Variants in RAB11FIP3 observed in about 807,000 individuals in gnomAD.
RAB11FIP3 encodes the protein RAB11 family interacting protein 3.
Under a neutral mutation model 77.8 loss-of-function variants are expected in RAB11FIP3, and 17 were observed. The observed-to-expected ratio is 0.22, with a 90% CI of 0.15 to 0.33. The LOEUF is 0.33. RAB11FIP3 is among the 10% of genes least tolerant of loss of function. The pLI, the probability that RAB11FIP3 is intolerant of heterozygous loss-of-function variation, is 1.00. For missense variants in RAB11FIP3, 1,005 were observed against 1,011.2 expected, an observed-to-expected ratio of 0.99 and a Z score of 0.08; for synonymous variants, 437 against 448.2, an observed-to-expected ratio of 0.98 and a Z score of 0.31.
At chr16:467,322 G>A (rs1399750885) in intron 2 of RAB11FIP3, among the ~76,000 whole-genome samples, 3 of 152,210 alleles carry the variant, frequency 2.0e-5, no homozygotes, top group Non-Finnish European at 4.4e-5. Context: ...GGATGGTGGG[G>A]CATCCCTGAG....
chr16:495,981 C>A (rs767252388), intron 5 of RAB11FIP3, among the ~76,000 whole-genome samples: 1 of 152,158 alleles, frequency 6.6e-6, no homozygotes, highest in Non-Finnish European at 1.5e-5. Context: ...AACTCCCGAC[C>A]TCTGGAGATC....
At chr16:491,244 G>T in intron 5 of RAB11FIP3, 1 of 1,304,816 alleles carries the variant, frequency 7.7e-7, no homozygotes, top group African/African-American at 1.5e-5. Flanking sequence ...CTTTCTGCCC[G>T]CCTGAGTGAT....
intron 9 of RAB11FIP3, among the ~76,000 whole-genome samples, chr16:518,132 G>A (rs149318412): frequency 0.01 from 1,529 of 152,326 alleles, 13 homozygotes; most frequent in African/African-American, 0.021. Flanking sequence ...AGGCTGGAGC[G>A]CAGTGGCGGG....
chr16:510,838 G>A, intron 9 of RAB11FIP3, 38 bp downstream of exon 9: 2 of 1,605,504 alleles, frequency 1.2e-6, no homozygotes, highest in Non-Finnish European at 1.7e-6. Context: ...CCCAGAACCT[G>A]CAGGCCAGGT....
rs1567392396 is a variant in RAB11FIP3, at chr16:492,464, AGACCCGAGGCCGCCCAGG to A, written c.1265+3466_1265+3483del. ...AGGCCGCCCAGGGCCCTTCCCGGGG[AGACCCGAGGCCGCCCAGG>A]GCCCTCCCGGGAGACCCGAGGCCGC... On this transcript the variant is annotated intron_variant, in intron 5 of 13. Coordinates refer to ENST00000262305, the MANE Select transcript of RAB11FIP3 (RefSeq NM_014700.4). Among the ~76,000 whole-genome samples the A allele has an allele frequency of 1.8e-3, 135 of 76,648 alleles. 8 individuals are homozygous for A. The highest frequency in any genetic ancestry group is 3.3e-3 in the South Asian group (10 of 2,986). The allele number at this position is 76,648 out of a possible 152,430, so 50.3% of individuals were successfully genotyped here. A position where few individuals can be genotyped will look rare whatever the true frequency, so the allele number is the denominator to read the frequency against.
At chr16:489,942 C>T (rs1000548907) in intron 5 of RAB11FIP3, among the ~76,000 whole-genome samples, 4 of 152,226 alleles carry the variant, frequency 2.6e-5, no homozygotes, top group African/African-American at 9.6e-5. Flanking sequence ...TGAGGCATCA[C>T]AGACGGTCCT....
intron 1 of RAB11FIP3, among the ~76,000 whole-genome samples, chr16:459,714 G>A (rs376481267): frequency 7.2e-5 from 11 of 152,162 alleles, no homozygotes; most frequent in Non-Finnish European, 1.2e-4. Flanking sequence ...GAATACAGGC[G>A]TGAGCCACAA....
chr16:454,630 CCCCTGTCTCTGGAACT>C (rs1436526851), intron 1 of RAB11FIP3, among the ~76,000 whole-genome samples: 4 of 152,284 alleles, frequency 2.6e-5, no homozygotes, highest in Non-Finnish European at 5.9e-5. Flanking sequence ...CATGAAAACA[CCCCTGTCTCTGGAACT>C]CCTTGTCCAA....
Position 426,540 on chromosome 16 carries a change from C to T in RAB11FIP3, c.534C>T (p.Pro178=), listed in dbSNP as rs1435606439. Residue 178 remains proline (P), a synonymous_variant, in exon 1 of 14, where the codon CCC becomes CCT. Transcript: ENST00000262305. This position sits in a 1 kb window ranked among gnomAD's most constrained non-coding sequence, Gnocchi z 5.0. ...GCGAGCTGGCGCTGGAGCAAGGTCC[C>T]GGGTCCCCGCCGCAGCCCTCGGACC... ...TAGELALEQG[P]GSPPQPSDLS... is the part of the protein sequence containing the mutation. 3.8e-6 allele frequency: 6 copies of T among 1,567,674 alleles called. No homozygotes were observed. The highest frequency in any genetic ancestry group is 5.2e-6 in the Non-Finnish European group (6 of 1,158,506).
At chr16:504,111 ACCT>A (rs1177380037) in intron 7 of RAB11FIP3, among the ~76,000 whole-genome samples, 1 of 18,152 alleles carries the variant, frequency 5.5e-5, no homozygotes. Flanking sequence ...GTACCCCCTC[ACCT>A]CCTCCTGTAC....
rs551594472 is a variant in RAB11FIP3, at chr16:474,183, G to A, written c.903+2794G>A. 2.6e-5 allele frequency among the ~76,000 whole-genome samples: 4 copies of A among 152,142 alleles called. No individual in the cohort carries two copies. In the East Asian group the frequency reaches 7.7e-4, roughly 29 times the overall value. ...TGTGTTCCATCCAGATACCCTATTCGGGGACCCTCCACTGGTAGTCTTCAG... is the reference window on the plus strand; with the variant it reads ...TGTGTTCCATCCAGATACCCTATTCAGGGACCCTCCACTGGTAGTCTTCAG... On this transcript the variant is annotated intron_variant, in intron 3 of 13. Transcript: ENST00000262305.
intron 3 of RAB11FIP3, among the ~76,000 whole-genome samples, chr16:480,141 G>T (rs1270148275): frequency 6.6e-6 from 1 of 151,434 alleles, no homozygotes; most frequent in Admixed American, 6.6e-5. Flanking sequence ...CCAAAAATTA[G>T]TGGCGTGGTG....
At chr16:428,721 C>A (rs2054991251) in intron 1 of RAB11FIP3, among the ~76,000 whole-genome samples, 1 of 152,066 alleles carries the variant, frequency 6.6e-6, no homozygotes, top group Non-Finnish European at 1.5e-5. Flanking sequence ...CTCACAATAT[C>A]CCTATTGTGA....
chr16:501,988 G>T (rs1450439449), intron 6 of RAB11FIP3, among the ~76,000 whole-genome samples: 1 of 152,186 alleles, frequency 6.6e-6, no homozygotes, highest in East Asian at 1.9e-4. Context: ...CTGGGAGAGG[G>T]TCCCCCCATT....
At position 472,559 on chromosome 16, in the gene RAB11FIP3, C is replaced by T. The variant is rs932536255; in HGVS notation, c.903+1170C>T. 9.2e-5 allele frequency among the ~76,000 whole-genome samples: 14 copies of T among 152,150 alleles called. No homozygotes were observed. The highest frequency in any genetic ancestry group is 1.6e-4 in the Non-Finnish European group (11 of 68,022). ...CCCTGAGAAGGACCCGGCTTCTTCA[C>T]GAGGAGATGCCCAAGGCTCTGCAGG... On this transcript the variant is annotated intron_variant, in intron 3 of 13. Transcript: ENST00000262305. This position sits in a 1 kb window ranked among gnomAD's most constrained non-coding sequence, Gnocchi z 4.1.
At chr16:475,079 A>T (rs1174237514) in intron 3 of RAB11FIP3, 1 of 1,551,480 alleles carries the variant, frequency 6.4e-7, no homozygotes. Flanking sequence ...CTGTGAGGCC[A>T]CCCGGGCCAG....
At chr16:491,493 T>C (rs28583805) in intron 5 of RAB11FIP3, among the ~76,000 whole-genome samples, 6,690 of 152,216 alleles carry the variant, frequency 0.044, 407 homozygotes, top group African/African-American at 0.14. Flanking sequence ...TGGGAGGAAG[T>C]GATCGGTCTT....
rs575341948 is a variant in RAB11FIP3, at chr16:514,743, G to A, written c.1640+3943G>A. Among the ~76,000 whole-genome samples the A allele has an allele frequency of 1.9e-3, 297 of 152,332 alleles. 2 individuals carry two copies. The highest frequency in any genetic ancestry group is 6.9e-3 in the African/African-American group (285 of 41,582). On this transcript the variant is annotated intron_variant, in intron 9 of 13. Coordinates refer to ENST00000262305, the MANE Select transcript of RAB11FIP3 (RefSeq NM_014700.4). The surrounding 1 kb of genome is among the most constrained non-coding windows in gnomAD (Gnocchi z 4.6). ...CCAGGGGCTTCCAGAAAGTATGGGA[G>A]CCCCTGGCAGGCTGCAGAGAGCTGG...
chr16:477,658 T>C (rs2055945835), intron 3 of RAB11FIP3: 1 of 985,374 alleles, frequency 1.0e-6, no homozygotes, highest in East Asian at 1.1e-4. Context: ...CCAGGGACGG[T>C]GAGTAGCACG....
Sources: gnomAD v4.1 joint callset for allele counts (sites outside exome capture counted in the v4.1 genomes callset) on GRCh38, gnomAD v4.1.1 for gene constraint, Gnocchi (gnomAD v3.1) non-coding constraint, MANE v1.5 for transcripts, NCBI Gene and HGNC (gene_info 2026-07-23, HGNC 2026-07-21) for gene names.